FBXO6: variants seen among roughly 807,000 people sequenced by gnomAD.
FBXO6 encodes the protein F-box only protein 6.
Under a neutral mutation model 25.0 loss-of-function variants are expected in FBXO6, and 13 were observed. That is an observed-to-expected ratio of 0.52 (90% CI 0.34 to 0.83). FBXO6 has a LOEUF of 0.83. Ranked by LOEUF, FBXO6 falls within the 40% of genes least tolerant of loss-of-function variation. The pLI is 0.02. For missense variants in FBXO6, 370 were observed against 380.2 expected, an observed-to-expected ratio of 0.97 and a Z score of 0.22; for synonymous variants, 138 against 155.3, an observed-to-expected ratio of 0.89 and a Z score of 0.83.
At chr1:11,671,429 G>A in intron 3 of FBXO6, 37 bp downstream of exon 3, 1 of 1,601,056 alleles carries the variant, frequency 6.2e-7, no homozygotes, top group Non-Finnish European at 8.6e-7. Context: ...TGCGTGGAGG[G>A]GACAGAGGGT....
At chr1:11,670,623 C>A (rs1246389843) in intron 2 of FBXO6, among the ~76,000 whole-genome samples, 1 of 124,190 alleles carries the variant, frequency 8.1e-6, no homozygotes, top group African/African-American at 3.4e-5. Flanking sequence ...AATTATTTTA[C>A]TTATTAAAAA....
At chr1:11,670,608 T>A (rs910775430) in intron 2 of FBXO6, among the ~76,000 whole-genome samples, 4 of 140,620 alleles carry the variant, frequency 2.8e-5, no homozygotes, top group Non-Finnish European at 6.2e-5. Flanking sequence ...TAGCCTTTTT[T>A]AAAAAATTAT....
At position 11,673,123 on chromosome 1, in the gene FBXO6, T is replaced by C. The variant is rs1437350254; in HGVS notation, c.510-154T>C. ...CTTATCCCCGGGCCACAGTGGGGCA[T>C]AGGGAGCGCTGAAGCCAGCTGGGCC... On this transcript the variant is annotated intron_variant, in intron 4 of 5. Transcript: ENST00000376753. This position sits in a 1 kb window ranked among gnomAD's most constrained non-coding sequence, Gnocchi z 4.3. Among the ~76,000 whole-genome samples the C allele has an allele frequency of 6.6e-6, 1 of 152,142 alleles. No individual in the cohort carries two copies. The highest frequency in any genetic ancestry group is 1.5e-5 in the Non-Finnish European group (1 of 68,014).
At chr1:11,664,290 C>G (rs1290734581) in intron 1 of FBXO6, 35 bp downstream of exon 1, 4 of 151,884 alleles carry the variant, frequency 2.6e-5, no homozygotes, top group South Asian at 2.1e-4. Context: ...AGGGGCCGGG[C>G]CGAGAGGGAC....
chr1:11,671,576 G>T (rs1640616563), intron 3 of FBXO6, among the ~76,000 whole-genome samples, 184 bp downstream of exon 3: 1 of 152,226 alleles, frequency 6.6e-6, no homozygotes, highest in Non-Finnish European at 1.5e-5. Flanking sequence ...ATGGACAGTG[G>T]GGGTGGGGAT....
intron 1 of FBXO6, chr1:11,664,827 C>G (rs932448455): frequency 6.6e-6 from 1 of 151,990 alleles, no homozygotes; most frequent in African/African-American, 2.4e-5. Flanking sequence ...GGACCCCGAT[C>G]GGTGTGAGAG....
intron 3 of FBXO6, 71 bp downstream of exon 3, chr1:11,671,463 G>C (rs947999732): frequency 1.3e-6 from 2 of 1,577,646 alleles, no homozygotes; most frequent in African/African-American, 2.7e-5. Flanking sequence ...CCAAGTCTCA[G>C]GCAAAGTCTT....
rs921414035 is a variant in FBXO6, at chr1:11,673,333, C to T, written c.566C>T (p.Ser189Leu). Reference protein sequence around the residue: ...CTYQLKVQLASADYFVLASFE... With the variant: ...CTYQLKVQLALADYFVLASFE... ...TACCAACTCAAAGTGCAGCTGGCCTCGGCTGACTACTTCGTGTTGGCCTCC... is the reference window on the plus strand; with the variant it reads ...TACCAACTCAAAGTGCAGCTGGCCTTGGCTGACTACTTCGTGTTGGCCTCC... The change falls in exon 5 of 6, where the codon TCG becomes TTG. Residue 189 changes from serine (S) to leucine (L), a missense_variant. By Grantham distance (145) the Ser-to-Leu change is moderately radical. Transcript: ENST00000376753. The surrounding 1 kb of genome is among the most constrained non-coding windows in gnomAD (Gnocchi z 4.3). 4 of 1,613,986 alleles carry T rather than the reference C, an allele frequency of 2.5e-6. No homozygotes were observed. Among genetic ancestry groups the T allele is most frequent in the African/African-American group, 1.3e-5 (1 of 74,942 alleles).
At chr1:11,669,916 C>T (rs1378078639) in intron 2 of FBXO6, among the ~76,000 whole-genome samples, 3 of 140,648 alleles carry the variant, frequency 2.1e-5, no homozygotes, top group South Asian at 2.5e-4. Flanking sequence ...GGATTACAGG[C>T]GTGAGCCACC....
At chr1:11,669,455 A>C (rs9430203) in intron 2 of FBXO6, among the ~76,000 whole-genome samples, 9,534 of 150,880 alleles carry the variant, frequency 0.063, 1,006 homozygotes, top group African/African-American at 0.22. Context: ...CAAGAGTGAA[A>C]CTTTTAGTCT....
chr1:11,667,024 G>GT (rs1640457763), intron 1 of FBXO6, among the ~76,000 whole-genome samples: 1 of 152,050 alleles, frequency 6.6e-6, no homozygotes, highest in Non-Finnish European at 1.5e-5. Context: ...GCGGGCACCT[G>GT]TAATCACAGT....
intron 2 of FBXO6, among the ~76,000 whole-genome samples, chr1:11,670,643 G>C (rs919430837): frequency 6.6e-6 from 1 of 151,594 alleles, no homozygotes; most frequent in Non-Finnish European, 1.5e-5. Context: ...AAAAAAGGGG[G>C]GGGGGGTGTC....
In FBXO6 at chr1:11,667,612, G is replaced by A. The variant is rs537658734; in HGVS notation, c.-3-1044G>A. On this transcript the variant is annotated intron_variant, in intron 1 of 5. Transcript: ENST00000376753. ...ACCCTCCATCTGATTTTTTTTTTCCGGCCATCTCCAAGTGGATTCTGGCCT... is the reference window on the plus strand; with the variant it reads ...ACCCTCCATCTGATTTTTTTTTTCCAGCCATCTCCAAGTGGATTCTGGCCT... Among the ~76,000 whole-genome samples the A allele has an allele frequency of 1.3e-4, 20 of 148,632 alleles. No individual in the cohort carries two copies. The South Asian group carries it at 4.1e-3, about 30-fold the overall frequency.
chr1:11,667,647 G>A (rs966498492), intron 1 of FBXO6, among the ~76,000 whole-genome samples: 1 of 151,886 alleles, frequency 6.6e-6, no homozygotes, highest in South Asian at 2.1e-4. Flanking sequence ...TGACACCAAA[G>A]ACAGCTCAGC....
At chr1:11,668,446 G>A (rs1640507789) in intron 1 of FBXO6, among the ~76,000 whole-genome samples, 1 of 151,092 alleles carries the variant, frequency 6.6e-6, no homozygotes, top group African/African-American at 2.4e-5. Flanking sequence ...TGCCCGGGCA[G>A]GGGTGCAGTG....
chr1:11,668,405 T>TG (rs1640506310), intron 1 of FBXO6, among the ~76,000 whole-genome samples: 2 of 151,322 alleles, frequency 1.3e-5, no homozygotes, highest in Admixed American at 6.6e-5. Context: ...TTGTGGGTTT[T>TG]TTTTTTTTTT....
At chr1:11,672,073 C>G (rs1397882582) in intron 4 of FBXO6, 50 bp downstream of exon 4, 2 of 1,487,114 alleles carry the variant, frequency 1.3e-6, no homozygotes, top group Admixed American at 3.4e-5. Flanking sequence ...GCTCCTCTTA[C>G]TGCGCTGCAT....
At chr1:11,665,149 T>A (rs3117064) in intron 1 of FBXO6, among the ~76,000 whole-genome samples, 81,968 of 149,344 alleles carry the variant, frequency 0.55, 23,047 homozygotes, top group African/African-American at 0.68. Context: ...GGCTCAAGCG[T>A]TCCTCCTGCC....
intron 4 of FBXO6, among the ~76,000 whole-genome samples, chr1:11,672,936 C>T (rs2100699882): frequency 6.6e-6 from 1 of 152,366 alleles, no homozygotes; most frequent in Admixed American, 6.5e-5. Context: ...GACTCTCCCA[C>T]TGAATCCACA....
Sources: allele counts gnomAD v4.1 joint callset (sites outside exome capture counted in the v4.1 genomes callset), GRCh38; gene constraint gnomAD v4.1.1; non-coding constraint Gnocchi (gnomAD v3.1); transcripts MANE v1.5; gene names NCBI Gene and HGNC (gene_info 2026-07-23, HGNC 2026-07-21).